Variants in LMBR1 observed in about 807,000 individuals in gnomAD.
The protein encoded by LMBR1 is limb region 1 protein homolog.
LMBR1 carries 52 observed loss-of-function variants against 73.9 expected under a neutral mutation model. The ratio of observed to expected loss-of-function variants is 0.70; its 90% CI spans 0.56 to 0.89. LMBR1 has a LOEUF of 0.89. Among genes scored for constraint, LMBR1 ranks in the 40% least tolerant of loss-of-function variants. The pLI, the probability that LMBR1 is intolerant of heterozygous loss-of-function variation, is 0.00. For missense variants in LMBR1, 539 were observed against 579.8 expected (o/e 0.93, Z 0.72); for synonymous variants, 215 against 209.4 (o/e 1.03, Z -0.23).
intron 6 of LMBR1, 81 bp from the exon 7 acceptor site, chr7:156,763,257 G>C: frequency 1.7e-6 from 1 of 602,070 alleles, no homozygotes; most frequent in Non-Finnish European, 2.8e-6. Context: ...CGATAAGATA[G>C]AGGCTGACTG....
chr7:156,752,805 G>C (rs1055308925), intron 9 of LMBR1, among the ~76,000 whole-genome samples: 1 of 152,162 alleles, frequency 6.6e-6, no homozygotes, highest in Non-Finnish European at 1.5e-5. Flanking sequence ...CAGCCAGCTA[G>C]GAGTGAGAGC....
intron 15 of LMBR1, among the ~76,000 whole-genome samples, chr7:156,717,808 G>GT: frequency 6.6e-6 from 1 of 152,086 alleles, no homozygotes; most frequent in East Asian, 1.9e-4. Context: ...TAGAAACAAA[G>GT]TAATACTCAG....
At chr7:156,718,254 G>T (rs1418635807) in intron 15 of LMBR1, among the ~76,000 whole-genome samples, 1 of 151,672 alleles carries the variant, frequency 6.6e-6, no homozygotes, top group African/African-American at 2.4e-5. Context: ...ACAAAAATTA[G>T]CTGGGCATGG....
chr7:156,850,693 C>G (rs1001765275), intron 1 of LMBR1, among the ~76,000 whole-genome samples: 3 of 151,876 alleles, frequency 2.0e-5, no homozygotes, highest in African/African-American at 7.3e-5. Context: ...TTGCTTGCAG[C>G]TGAAAGCATT....
chr7:156,731,114 A>G (rs1383622472), intron 10 of LMBR1, among the ~76,000 whole-genome samples: 3 of 152,216 alleles, frequency 2.0e-5, no homozygotes. Flanking sequence ...TAAAAAATAA[A>G]CAGAAAATCT....
At chr7:156,737,489 C>T (rs1818099124) in intron 9 of LMBR1, among the ~76,000 whole-genome samples, 2 of 152,136 alleles carry the variant, frequency 1.3e-5, no homozygotes, top group South Asian at 4.1e-4. Context: ...GGGAAATCTT[C>T]ATTTTGTCAT....
intron 9 of LMBR1, 44 bp downstream of exon 9, chr7:156,756,349 A>G: frequency 1.1e-6 from 1 of 948,640 alleles, no homozygotes; most frequent in Non-Finnish European, 1.7e-6. Context: ...TTTGAAATTA[A>G]AAAGATTTTT....
chr7:156,847,359 A>C (rs1795637953), intron 1 of LMBR1, among the ~76,000 whole-genome samples: 1 of 152,208 alleles, frequency 6.6e-6, no homozygotes, highest in African/African-American at 2.4e-5. Context: ...AAAGGAGAAA[A>C]TCTAGATGGC....
chr7:156,854,121 C>T (rs1796622495), intron 1 of LMBR1, among the ~76,000 whole-genome samples: 1 of 152,112 alleles, frequency 6.6e-6, no homozygotes, highest in Admixed American at 6.5e-5. Context: ...TTCCCATCCT[C>T]GTAACAAGAA....
At chr7:156,804,389 T>C (rs1316323710) in intron 4 of LMBR1, among the ~76,000 whole-genome samples, 2 of 152,208 alleles carry the variant, frequency 1.3e-5, no homozygotes, top group Non-Finnish European at 2.9e-5. Context: ...TATGCGATCA[T>C]TTCTTTTGGG....
At chr7:156,892,735 G>GAA in intron 1 of LMBR1, 193 bp downstream of exon 1, 1 of 406,074 alleles carries the variant, frequency 2.5e-6, no homozygotes, top group Non-Finnish European at 4.3e-6. Context: ...GGAGGGGAGG[G>GAA]GAGAGGAGAG....
chr7:156,701,061 A>T (rs1232785690), intron 15 of LMBR1, among the ~76,000 whole-genome samples: 1 of 152,164 alleles, frequency 6.6e-6, no homozygotes, highest in Non-Finnish European at 1.5e-5. Context: ...CAGCAAGGGA[A>T]AGGCCTGCCC....
intron 1 of LMBR1, among the ~76,000 whole-genome samples, chr7:156,838,587 A>C (rs1838085627): frequency 6.6e-6 from 1 of 152,168 alleles, no homozygotes; most frequent in African/African-American, 2.4e-5. Context: ...CCTTGTGTAT[A>C]TACACTACAT....
intron 15 of LMBR1, 132 bp from the exon 16 acceptor site, chr7:156,688,323 T>A (rs1232572702): frequency 1.7e-6 from 1 of 603,926 alleles, no homozygotes; most frequent in East Asian, 3.1e-5. Flanking sequence ...CTCTAATGAA[T>A]AAATCCTAAT....
At position 156,805,153 on chromosome 7, in the gene LMBR1, T is replaced by G. The variant is rs542361891; in HGVS notation, c.320-8661A>C. 6.6e-5 allele frequency among the ~76,000 whole-genome samples: 10 copies of G among 152,138 alleles called. No individual in the cohort carries two copies. The East Asian group carries it at 1.9e-3, about 29-fold the overall frequency. ...AATCAATTGACAATATATGTATGTATCTAATCCTGGACAGTCTATTCTGCT... is the reference window on the plus strand; with the variant it reads ...AATCAATTGACAATATATGTATGTAGCTAATCCTGGACAGTCTATTCTGCT... On this transcript the variant is annotated intron_variant, in intron 4 of 16. Transcript: ENST00000353442.
At chr7:156,879,393 G>A (rs954463371) in intron 1 of LMBR1, among the ~76,000 whole-genome samples, 1 of 152,042 alleles carries the variant, frequency 6.6e-6, no homozygotes, top group Non-Finnish European at 1.5e-5. Flanking sequence ...GGCCGGGCAC[G>A]GTGGCTCACG....
At chr7:156,759,877 A>T (rs10253338) in intron 8 of LMBR1, among the ~76,000 whole-genome samples, 16,304 of 152,186 alleles carry the variant, frequency 0.11, 925 homozygotes, top group East Asian at 0.15. Context: ...CCCTATTGAC[A>T]ATGGTTGGAC....
chr7:156,697,268 C>T (rs148413633), intron 15 of LMBR1, among the ~76,000 whole-genome samples: 5,250 of 152,210 alleles, frequency 0.034, 134 homozygotes, highest in Non-Finnish European at 0.044. Flanking sequence ...TAACAAAGAT[C>T]ACATGCTTCT....
chr7:156,728,664 C>T lies in LMBR1; in HGVS notation c.895G>A (p.Val299Ile), dbSNP rs940802815. The change falls in exon 11 of 17, where the codon GTT (valine) becomes ATT (isoleucine). Residue 299 changes from valine (V) to isoleucine (I), a missense_variant. This residue lies in a region of LMBR1 where 454 missense variants were observed against 473.4 expected (regional missense o/e 0.96). Transcript: ENST00000353442. Reference sequence around the variant, plus strand: ...CTTACTGTCTCAATAAGAAGGAGAACCATAACAGCGGGATACACCAAATTT... The same window carrying T: ...CTTACTGTCTCAATAAGAAGGAGAATCATAACAGCGGGATACACCAAATTT... ...ERNLVYPAVM[V>I]LLLIETSISV... 1.9e-6 allele frequency: 3 copies of T among 1,599,586 alleles called. No homozygotes were observed. Among genetic ancestry groups the T allele is most frequent in the African/African-American group, 2.7e-5 (2 of 73,944 alleles).
Sources: gnomAD v4.1 joint callset for allele counts (sites outside exome capture counted in the v4.1 genomes callset) on GRCh38, gnomAD v4.1.1 for gene constraint, gnomAD v4.1.1 regional missense constraint, MANE v1.5 for transcripts, NCBI Gene and HGNC (gene_info 2026-07-23, HGNC 2026-07-21) for gene names.